HYCC2: variants seen among roughly 807,000 people sequenced by gnomAD.
The protein encoded by HYCC2 is hyccin PI4KA lipid kinase complex subunit 2, also known as hyccin 2.
At chr2:201,041,724 T>C in the HYCC2 span, among the ~76,000 whole-genome samples, 1 of 152,176 alleles carries the variant, frequency 6.6e-6, no homozygotes, top group Non-Finnish European at 1.5e-5. Flanking sequence ...TGCTCACTAC[T>C]ATGCATTCAA....
the HYCC2 span, among the ~76,000 whole-genome samples, chr2:201,028,986 C>A: frequency 1.3e-5 from 2 of 152,132 alleles, no homozygotes; most frequent in East Asian, 3.8e-4. Context: ...AGCTTCTGCA[C>A]AGCAAAAGAA....
the HYCC2 span, among the ~76,000 whole-genome samples, chr2:201,054,230 A>G: frequency 2.6e-5 from 4 of 152,200 alleles, no homozygotes; most frequent in Non-Finnish European, 1.5e-5. Flanking sequence ...ATCTTTTCCA[A>G]TTCTACTGGG....
chr2:201,070,054 A>G, the HYCC2 span, among the ~76,000 whole-genome samples: 2 of 152,206 alleles, frequency 1.3e-5, no homozygotes, highest in African/African-American at 2.4e-5. Flanking sequence ...TTAGAAATTT[A>G]TAACACTTCT....
At chr2:201,037,145 T>C in the HYCC2 span, among the ~76,000 whole-genome samples, 2 of 152,182 alleles carry the variant, frequency 1.3e-5, no homozygotes, top group African/African-American at 2.4e-5. Context: ...CCATTCACAA[T>C]TGCTTCAAAG....
the HYCC2 span, among the ~76,000 whole-genome samples, chr2:201,040,046 T>G: frequency 1.3e-5 from 2 of 151,940 alleles, no homozygotes; most frequent in Non-Finnish European, 2.9e-5. Flanking sequence ...TGGTGGTGGA[T>G]GCCTGTAATC....
At chr2:201,018,978 T>C in the HYCC2 span, among the ~76,000 whole-genome samples, 7 of 152,226 alleles carry the variant, frequency 4.6e-5, no homozygotes, top group East Asian at 1.9e-4. Flanking sequence ...GCACTTCTTA[T>C]ATTAGAATGG....
chr2:201,062,951 ACTG>A, the HYCC2 span: 123 of 1,037,796 alleles, frequency 1.2e-4, no homozygotes, highest in Non-Finnish European at 1.5e-4. Context: ...AACAACTACT[ACTG>A]CTGCTGCTGC....
At chr2:201,042,108 C>T in the HYCC2 span, among the ~76,000 whole-genome samples, 1 of 152,284 alleles carries the variant, frequency 6.6e-6, no homozygotes, top group South Asian at 2.1e-4. Context: ...AGGCACATGC[C>T]GCCACACCTG....
the HYCC2 span, among the ~76,000 whole-genome samples, chr2:201,056,549 C>T: frequency 6.6e-6 from 1 of 152,012 alleles, no homozygotes. Flanking sequence ...TGGTGCATGC[C>T]TATAATCCCA....
At chr2:201,035,535 C>T in the HYCC2 span, among the ~76,000 whole-genome samples, 4 of 152,124 alleles carry the variant, frequency 2.6e-5, no homozygotes, top group African/African-American at 9.7e-5. Context: ...AACTTCTTTG[C>T]CACGGGTTCG....
the HYCC2 span, among the ~76,000 whole-genome samples, chr2:201,043,047 G>T: frequency 1.3e-5 from 2 of 152,226 alleles, no homozygotes; most frequent in South Asian, 4.1e-4. Context: ...TGTGTAGAAA[G>T]AAGTAGACAT....
At chr2:201,071,545 G>T in the HYCC2 span, 1 of 152,734 alleles carries the variant, frequency 6.5e-6, no homozygotes, top group South Asian at 2.0e-4. Flanking sequence ...TTCCGCGGCC[G>T]AAGGAGAAGA....
chr2:201,041,516 T>C, the HYCC2 span, among the ~76,000 whole-genome samples: 12 of 152,252 alleles, frequency 7.9e-5, no homozygotes, highest in Admixed American at 7.2e-4. Flanking sequence ...ATCTTGTAAG[T>C]CTCAGCAGCC....
At chr2:200,999,234 C>T in the HYCC2 span, among the ~76,000 whole-genome samples, 3 of 152,052 alleles carry the variant, frequency 2.0e-5, no homozygotes, top group African/African-American at 7.2e-5. Flanking sequence ...TAGTGGGATC[C>T]TATGGTGAAG....
At chr2:200,991,442 G>A in the HYCC2 span, among the ~76,000 whole-genome samples, 1 of 151,996 alleles carries the variant, frequency 6.6e-6, no homozygotes, top group Non-Finnish European at 1.5e-5. Flanking sequence ...GGTGGCACAC[G>A]CCTATAGTCC....
chr2:200,995,560 T>C, the HYCC2 span, among the ~76,000 whole-genome samples: 38 of 152,324 alleles, frequency 2.5e-4, no homozygotes, highest in African/African-American at 9.1e-4. Context: ...AGCTGCCATG[T>C]TGTAGGTTGC....
At chr2:201,062,638 G>A in the HYCC2 span, among the ~76,000 whole-genome samples, 1 of 149,034 alleles carries the variant, frequency 6.7e-6, no homozygotes, top group South Asian at 2.1e-4. Context: ...GCAACAGAGC[G>A]AGACTCTGTC....
the HYCC2 span, among the ~76,000 whole-genome samples, chr2:201,055,436 C>G: frequency 6.6e-6 from 1 of 150,458 alleles, no homozygotes; most frequent in Non-Finnish European, 1.5e-5. Flanking sequence ...TAGGGGCTCA[C>G]ACCTGTAATC....
At chr2:201,045,166 A>G in the HYCC2 span, among the ~76,000 whole-genome samples, 2 of 152,230 alleles carry the variant, frequency 1.3e-5, no homozygotes, top group African/African-American at 4.8e-5. Context: ...AGTCTCCTAT[A>G]TTGGACGGCA....
Sources: gnomAD v4.1 joint callset for allele counts (sites outside exome capture counted in the v4.1 genomes callset) on GRCh38, gnomAD v4.1.1 for gene constraint, MANE v1.5 for transcripts, NCBI Gene and HGNC (gene_info 2026-07-23, HGNC 2026-07-21) for gene names.